The following KATNAL2 variants were observed in gnomAD, a reference collection of about 807,000 sequenced individuals.
KATNAL2 encodes the protein katanin catalytic subunit A1 like 2.
A neutral mutation model predicts 76.3 loss-of-function variants in KATNAL2; 52 were observed. The observed-to-expected ratio is 0.68, with a 90% confidence interval of 0.55 to 0.86. KATNAL2 has a LOEUF of 0.86. KATNAL2 is among the 40% of genes least tolerant of loss of function. The probability of loss-of-function intolerance (pLI) is 0.00; values close to 1 mark genes in which losing one functional copy is unlikely to be tolerated. For missense variants in KATNAL2, 660 were observed against 668.9 expected, an observed-to-expected ratio of 0.99 and a Z score of 0.15; for synonymous variants, 243 against 244.2, an observed-to-expected ratio of 1.00 and a Z score of 0.05.
At chr18:47,064,352 T>C (rs909263279) in intron 10 of KATNAL2, among the ~76,000 whole-genome samples, 1 of 151,964 alleles carries the variant, frequency 6.6e-6, no homozygotes, top group African/African-American at 2.4e-5. Flanking sequence ...CCATGAGAAA[T>C]TGCAGTTTGT....
At chr18:47,042,975 C>T (rs1007536676) in intron 3 of KATNAL2, among the ~76,000 whole-genome samples, 2 of 152,092 alleles carry the variant, frequency 1.3e-5, no homozygotes, top group Non-Finnish European at 2.9e-5. Context: ...CGCCTGTAAT[C>T]CCAGCAGTTT....
chr18:47,059,620 A>C lies in KATNAL2; in HGVS notation c.515A>C (p.Lys172Thr). The C allele has an allele frequency of 6.2e-7, 1 of 1,613,754 alleles. No homozygotes were observed. The highest frequency in any genetic ancestry group is 8.5e-7 in the Non-Finnish European group (1 of 1,179,612). The change falls in exon 8 of 18, where the codon AAA (lysine) becomes ACA (threonine). Residue 172 changes from lysine (K) to threonine (T), a missense_variant. By Grantham distance (78) the Lys-to-Thr change is moderately conservative. Coordinates refer to ENST00000683218, the MANE Select transcript of KATNAL2 (RefSeq NM_001387690.1). The part of the protein sequence containing the change: ...NFGLHISRIR[K>T]DSGEENAHPR... ...GGCCTACATATATCAAGAATCCGTA[A>C]AGACAGTGGAGAGGAAAATGCCCAC...
chr18:47,061,864 A>AT (rs77869357), intron 8 of KATNAL2, among the ~76,000 whole-genome samples: 10,522 of 123,298 alleles, frequency 0.085, 512 homozygotes, highest in African/African-American at 0.16. Flanking sequence ...TATTATTATT[A>AT]TTTTTTTTTT....
chr18:46,949,231 C>G (rs922421789), intron 3 of KATNAL2, among the ~76,000 whole-genome samples: 6 of 151,878 alleles, frequency 4.0e-5, no homozygotes, highest in Non-Finnish European at 8.8e-5. Context: ...TACTTCTCCT[C>G]CTTCTCCTTT....
At chr18:47,038,114 T>C (rs958511178) in intron 3 of KATNAL2, among the ~76,000 whole-genome samples, 3 of 152,222 alleles carry the variant, frequency 2.0e-5, no homozygotes, top group Non-Finnish European at 2.9e-5. Context: ...ATTCTTTTGA[T>C]TGGAGTTGAA....
chr18:47,035,081 C>T, intron 3 of KATNAL2: 2 of 1,611,110 alleles, frequency 1.2e-6, no homozygotes, highest in South Asian at 1.1e-5. Context: ...AAGTCGCCCA[C>T]GTGCTGGTGC....
intron 4 of KATNAL2, among the ~76,000 whole-genome samples, chr18:47,047,007 C>T (rs2061181328): frequency 6.6e-6 from 1 of 152,114 alleles, no homozygotes; most frequent in South Asian, 2.1e-4. Flanking sequence ...TCATGGCTCA[C>T]TGCGACCTCT....
intron 1 of KATNAL2, among the ~76,000 whole-genome samples, chr18:46,936,782 T>C (rs1025508662): frequency 6.6e-5 from 10 of 151,982 alleles, no homozygotes; most frequent in Admixed American, 5.9e-4. Context: ...CGAAACCCCA[T>C]CTCTACTAAA....
At chr18:47,075,463 C>T in intron 14 of KATNAL2, 95 bp downstream of exon 14, 1 of 878,458 alleles carries the variant, frequency 1.1e-6, no homozygotes, top group Non-Finnish European at 1.6e-6. Flanking sequence ...TAGACATTTA[C>T]TAGCAGAATG....
At chr18:46,934,550 C>T (rs1266325956) in intron 1 of KATNAL2, among the ~76,000 whole-genome samples, 5 of 152,106 alleles carry the variant, frequency 3.3e-5, no homozygotes, top group African/African-American at 1.2e-4. Context: ...GGATATTAGC[C>T]CTTTGTCAGA....
At chr18:46,937,018 T>G (rs1383605385) in intron 1 of KATNAL2, among the ~76,000 whole-genome samples, 18 of 152,142 alleles carry the variant, frequency 1.2e-4, no homozygotes. Flanking sequence ...TATAAACCAA[T>G]GTGGGAGGTT....
intron 14 of KATNAL2, among the ~76,000 whole-genome samples, chr18:47,076,765 A>G (rs1221095716): frequency 6.7e-6 from 1 of 148,414 alleles, no homozygotes; most frequent in African/African-American, 2.5e-5. Context: ...AATGCTAATT[A>G]TATATTATGC....
intron 3 of KATNAL2, among the ~76,000 whole-genome samples, chr18:46,947,472 AC>A (rs1478967938): frequency 2.6e-5 from 4 of 152,104 alleles, no homozygotes; most frequent in Admixed American, 2.6e-4. Flanking sequence ...TAAGTGGTTT[AC>A]CGTGGTCTGT....
intron 3 of KATNAL2, among the ~76,000 whole-genome samples, chr18:47,031,368 A>C (rs983878244): frequency 6.6e-6 from 1 of 151,370 alleles, no homozygotes; most frequent in Non-Finnish European, 1.5e-5. Context: ...TGTCGTTGGC[A>C]GTTTCGCGTA....
chr18:46,948,568 G>A (rs2146679715), intron 3 of KATNAL2, among the ~76,000 whole-genome samples: 1 of 150,178 alleles, frequency 6.7e-6, no homozygotes, highest in East Asian at 2.0e-4. Flanking sequence ...GGGATTACAG[G>A]CATGTGCCAC....
intron 1 of KATNAL2, among the ~76,000 whole-genome samples, chr18:46,928,228 G>A (rs1165851679): frequency 6.6e-6 from 1 of 151,956 alleles, no homozygotes; most frequent in African/African-American, 2.4e-5. Context: ...ATCTACCTTT[G>A]GTCTTTGATG....
intron 4 of KATNAL2, among the ~76,000 whole-genome samples, chr18:47,050,973 A>G (rs1175359695): frequency 6.6e-6 from 1 of 152,240 alleles, no homozygotes; most frequent in Non-Finnish European, 1.5e-5. Flanking sequence ...AATTGGTGAC[A>G]GCAGACAATG....
intron 1 of KATNAL2, among the ~76,000 whole-genome samples, chr18:46,934,328 A>G (rs1018557558): frequency 1.2e-4 from 18 of 152,174 alleles, no homozygotes; most frequent in Non-Finnish European, 2.5e-4. Flanking sequence ...TGACTTTTTA[A>G]TGATCGCCAT....
At chr18:47,083,289 G>A (rs1357302913) in intron 15 of KATNAL2, among the ~76,000 whole-genome samples, 1 of 152,188 alleles carries the variant, frequency 6.6e-6, no homozygotes, top group Non-Finnish European at 1.5e-5. Context: ...TGACTTCAGG[G>A]TCTTAGATGA....
Sources: gnomAD v4.1 joint callset for allele counts (sites outside exome capture counted in the v4.1 genomes callset) on GRCh38, gnomAD v4.1.1 for gene constraint, MANE v1.5 for transcripts, NCBI Gene and HGNC (gene_info 2026-07-23, HGNC 2026-07-21) for gene names.